Variants in OR2AE1 observed in about 807,000 individuals in gnomAD.
OR2AE1 encodes olfactory receptor family 2 subfamily AE member 1.
For synonymous variants in OR2AE1, 159 were observed against 153.6 expected (o/e 1.04, Z -0.26); for missense variants, 400 against 395.6 (o/e 1.01, Z -0.09).
At position 99,876,077 on chromosome 7, in the gene OR2AE1, C is replaced by T; in HGVS notation, c.957G>A (p.Trp319Ter). ...CTATTCCACTCTACACTCGGGGCAA[C>T]CACAATTGCAGTCGTTGAATGCACT... ...ITQCIQRLQL[W>*]LPRV Residue 319 changes from tryptophan to a stop codon, truncating the protein, a stop_gained, in exon 1 of 1, where the codon TGG becomes TGA. Coordinates refer to ENST00000316368, the MANE Select transcript of OR2AE1 (RefSeq NM_001005276.1). LOFTEE classifies it high-confidence loss of function. The T allele has an allele frequency of 1.3e-6, 2 of 1,595,566 alleles. No homozygotes were observed. Among genetic ancestry groups the T allele is most frequent in the Non-Finnish European group, 8.5e-7 (1 of 1,172,212 alleles).
At position 99,876,893 on chromosome 7, in the gene OR2AE1, G is replaced by T. The variant is rs1276254501; in HGVS notation, c.141C>A (p.Leu47=). Residue 47 remains leucine, a synonymous_variant, in exon 1 of 1, where the codon CTC becomes CTA. Coordinates refer to ENST00000316368, the MANE Select transcript of OR2AE1 (RefSeq NM_001005276.1). ...GAAGCTGGGGATCAATGCAGATGAG[G>T]AGAATGGTGAGGGTGTTGCCACTCA... ...IAVSGNTLTI[L]LICIDPQLHT... The T allele has an allele frequency of 6.2e-7, 1 of 1,614,096 alleles. No individual in the cohort carries two copies. The highest frequency in any genetic ancestry group is 2.2e-5 in the East Asian group (1 of 44,874).
At position 99,876,899 on chromosome 7, in the gene OR2AE1, G is replaced by A; in HGVS notation, c.135C>T (p.Thr45=). ...FLIAVSGNTL[T]ILLICIDPQL... The stretch of plus-strand genomic sequence containing the variant: ...GGGGATCAATGCAGATGAGGAGAAT[G>A]GTGAGGGTGTTGCCACTCACCGCAA... The change falls in exon 1 of 1, where the codon ACC becomes ACT. Residue 45 remains threonine, a synonymous_variant. Coordinates refer to ENST00000316368, the MANE Select transcript of OR2AE1 (RefSeq NM_001005276.1). 1 of 1,614,088 alleles carries A rather than the reference G, an allele frequency of 6.2e-7. No homozygotes were observed. The highest frequency in any genetic ancestry group is 8.5e-7 in the Non-Finnish European group (1 of 1,180,010).
In OR2AE1 at chr7:99,876,167, A is replaced by G; in HGVS notation, c.867T>C (p.Tyr289=). ...IITPTLNSLI[Y]TLRNKDVAKA... ...TAGCTACATCTTTATTCCGGAGAGT[A>G]TAAATCAGAGAATTCAATGTGGGCG... Residue 289 remains tyrosine (Y), a synonymous_variant, in exon 1 of 1, where the codon TAT becomes TAC. Transcript: ENST00000316368. The G allele has an allele frequency of 1.2e-6, 2 of 1,614,214 alleles. No homozygotes were observed. The highest frequency in any genetic ancestry group is 1.7e-6 in the Non-Finnish European group (2 of 1,180,028).
At position 99,876,550 on chromosome 7, in the gene OR2AE1, T is replaced by A; in HGVS notation, c.484A>T (p.Ile162Phe). 6.2e-7 allele frequency: 1 copy of A among 1,614,038 alleles called. No individual in the cohort carries two copies. The highest frequency in any genetic ancestry group is 8.5e-7 in the Non-Finnish European group (1 of 1,180,006). The stretch of plus-strand genomic sequence containing the variant: ...CCACAGAAAGGGAAGTGCATCAAGA[T>A]CGCCATGTGAATTAGGGAGTTCACG... Reference protein sequence around the residue: ...ASVNSLIHMAILMHFPFCGPR... With the variant: ...ASVNSLIHMAFLMHFPFCGPR... The change falls in exon 1 of 1, where the codon ATC (isoleucine) becomes TTC (phenylalanine). Residue 162 changes from isoleucine to phenylalanine, a missense_variant. Coordinates refer to ENST00000316368, the MANE Select transcript of OR2AE1 (RefSeq NM_001005276.1).
In OR2AE1 at chr7:99,876,979, C is replaced by G; in HGVS notation, c.55G>C (p.Asp19His). Residue 19 changes from aspartate (D) to histidine (H), a missense_variant, in exon 1 of 1, where the codon GAT becomes CAT. Transcript: ENST00000316368. The stretch of plus-strand genomic sequence containing the variant: ...AGGAAAAGGTGGGTAAGGGAGTCAT[C>G]GAAGAGCCCCTCAAGGATGAAGTCT... Reference protein sequence around the residue: ...LADFILEGLFDDSLTHLFLFS... With the variant: ...LADFILEGLFHDSLTHLFLFS... 6.2e-7 allele frequency: 1 copy of G among 1,613,902 alleles called. No homozygotes were observed. Among genetic ancestry groups the G allele is most frequent in the Non-Finnish European group, 8.5e-7 (1 of 1,179,922 alleles).
chr7:99,876,961 G>A lies in OR2AE1; in HGVS notation c.73C>T (p.Leu25Phe). The A allele has an allele frequency of 2.5e-6, 4 of 1,614,042 alleles. No individual in the cohort carries two copies. The highest frequency in any genetic ancestry group is 2.2e-5 in the East Asian group (1 of 44,864). The change falls in exon 1 of 1, where the codon CTT becomes TTT. Residue 25 changes from leucine to phenylalanine, a missense_variant. By Grantham distance (22) the Leu-to-Phe change is conservative. Coordinates refer to ENST00000316368, the MANE Select transcript of OR2AE1 (RefSeq NM_001005276.1). ...ACCATGGTCAAGGAGAAAAGGAAAAGGTGGGTAAGGGAGTCATCGAAGAGC... is the reference window on the plus strand; with the variant it reads ...ACCATGGTCAAGGAGAAAAGGAAAAAGTGGGTAAGGGAGTCATCGAAGAGC... ...EGLFDDSLTH[L>F]FLFSLTMVVF...
Position 99,876,775 on chromosome 7 carries a change from A to ATAGGTAGTTGGTAGCCATCTTCAGG in OR2AE1, c.234_258dup (p.Ser87ProfsTer33). ...ACAAAGGAGATAGATTTCTTGCCAG[A>ATAGGTAGTTGGTAGCCATCTTCAGG]TAGGTAGTTGGTAGCCATCTTCAGG... On this transcript the variant is annotated frameshift_variant, in exon 1 of 1. Transcript: ENST00000316368. LOFTEE classifies it low-confidence loss of function (END_TRUNC). 6.2e-7 allele frequency: 1 copy of ATAGGTAGTTGGTAGCCATCTTCAGG among 1,614,044 alleles called. No homozygotes were observed. Among genetic ancestry groups the ATAGGTAGTTGGTAGCCATCTTCAGG allele is most frequent in the South Asian group, 1.1e-5 (1 of 91,060 alleles).
At position 99,876,387 on chromosome 7, in the gene OR2AE1, G is replaced by A. The variant is rs905385422; in HGVS notation, c.647C>T (p.Ser216Phe). 10 of 1,614,202 alleles carry A rather than the reference G, an allele frequency of 6.2e-6. No homozygotes were observed. The highest frequency in any genetic ancestry group is 8.5e-6 in the Non-Finnish European group (10 of 1,180,024). The change falls in exon 1 of 1, where the codon TCC becomes TTC. Residue 216 changes from serine to phenylalanine, a missense_variant. Physicochemically the swap from Ser to Phe is radical, Grantham distance 155. Coordinates refer to ENST00000316368, the MANE Select transcript of OR2AE1 (RefSeq NM_001005276.1). ...LLLPIFLIST[S>F]YVFILQSVIQ... ...GACACTTTGAAGGATGAAGACATAG[G>A]ATGTAGAAATCAGGAAGATGGGGAG...
rs1355723121 is a variant in OR2AE1, at chr7:99,876,508, G to C, written c.526C>G (p.His176Asp). 1 of 1,614,118 alleles carries C rather than the reference G, an allele frequency of 6.2e-7. No homozygotes were observed. The highest frequency in any genetic ancestry group is 1.1e-5 in the South Asian group (1 of 91,080). Reference protein sequence around the residue: ...FPFCGPRKVYHFYCEFPAVVK... With the variant: ...FPFCGPRKVYDFYCEFPAVVK... ...ACAGCTGGGAACTCACAGTAGAAGT[G>C]GTAGACTTTCCGAGGCCCACAGAAA... Residue 176 changes from histidine (H) to aspartate (D), a missense_variant, in exon 1 of 1, where the codon CAC (histidine) becomes GAC (aspartate). By Grantham distance (81) the His-to-Asp change is moderately conservative. Transcript: ENST00000316368.
rs768972290 is a variant in OR2AE1, at chr7:99,876,276, G to GC, written c.757dup (p.Ala253GlyfsTer42). ...GGGTCTCATGTAGGAGAAGATGCAG[G>GC]CACCAAACCAAAGAGAAACCACCGT... is the stretch of plus-strand genomic sequence containing the variant. On this transcript the variant is annotated frameshift_variant, in exon 1 of 1. Transcript: ENST00000316368. LOFTEE classifies it low-confidence loss of function (END_TRUNC). 6.2e-7 allele frequency: 1 copy of GC among 1,614,170 alleles called. No homozygotes were observed. Among genetic ancestry groups the GC allele is most frequent in the Non-Finnish European group, 8.5e-7 (1 of 1,180,016 alleles).
chr7:99,876,071 G>A lies in OR2AE1; in HGVS notation c.963C>T (p.Pro321=). Residue 321 remains proline (P), a synonymous_variant, in exon 1 of 1, where the codon CCC becomes CCT. Transcript: ENST00000316368. The part of the protein sequence containing the change: ...QCIQRLQLWL[P]RV ...CTTATCCTATTCCACTCTACACTCGGGGCAACCACAATTGCAGTCGTTGAA... is the reference window on the plus strand; with the variant it reads ...CTTATCCTATTCCACTCTACACTCGAGGCAACCACAATTGCAGTCGTTGAA... 1 of 1,591,124 alleles carries A rather than the reference G, an allele frequency of 6.3e-7. No individual in the cohort carries two copies. Among genetic ancestry groups the A allele is most frequent in the Non-Finnish European group, 8.5e-7 (1 of 1,170,404 alleles).
Position 99,876,295 on chromosome 7 carries a change from C to T in OR2AE1, c.739G>A (p.Val247Ile), listed in dbSNP as rs1174596971. Residue 247 changes from valine (V) to isoleucine (I), a missense_variant, in exon 1 of 1, where the codon GTT becomes ATT. Val to Ile is a conservative substitution (Grantham distance 29). Coordinates refer to ENST00000316368, the MANE Select transcript of OR2AE1 (RefSeq NM_001005276.1). ...ATGCAGGCACCAAACCAAAGAGAAA[C>T]CACCGTGAGGTGGGAGCCACAAGTG... Reference protein sequence around the residue: ...FATCGSHLTVVSLWFGACIFS... With the variant: ...FATCGSHLTVISLWFGACIFS... The T allele has an allele frequency of 6.2e-7, 1 of 1,614,204 alleles. No individual in the cohort carries two copies. The highest frequency in any genetic ancestry group is 8.5e-7 in the Non-Finnish European group (1 of 1,180,026).
rs139003519 is a variant in OR2AE1 at position 99,876,926 on chromosome 7, A to G, written c.108T>C (p.Leu36=). The G allele has an allele frequency of 2.6e-4, 421 of 1,613,978 alleles. No homozygotes were observed. The highest frequency in any genetic ancestry group is 4.2e-4 in the Admixed American group (25 of 59,994). Residue 36 remains leucine, a synonymous_variant, in exon 1 of 1, where the codon CTT becomes CTC. Coordinates refer to ENST00000316368, the MANE Select transcript of OR2AE1 (RefSeq NM_001005276.1). ...FLFSLTMVVF[L]IAVSGNTLTI... is the part of the protein sequence containing the mutation. Reference sequence around the variant, plus strand: ...TGAGGGTGTTGCCACTCACCGCAATAAGGAAGACCACCATGGTCAAGGAGA... The same window carrying G: ...TGAGGGTGTTGCCACTCACCGCAATGAGGAAGACCACCATGGTCAAGGAGA...
In OR2AE1 at chr7:99,876,656, G is replaced by A; in HGVS notation, c.378C>T (p.Ile126=). The change falls in exon 1 of 1, where the codon ATC becomes ATT. Residue 126 remains isoleucine (I), a synonymous_variant. Coordinates refer to ENST00000316368, the MANE Select transcript of OR2AE1 (RefSeq NM_001005276.1). ...AVMSYDRYVA[I]CHPLRYAVLM... The stretch of plus-strand genomic sequence containing the variant: ...GCACAGCATAGCGCAGTGGATGACA[G>A]ATGGCAACATAGCGGTCATAGGACA... 6.2e-7 allele frequency: 1 copy of A among 1,614,150 alleles called. No homozygotes were observed. The highest frequency in any genetic ancestry group is 8.5e-7 in the Non-Finnish European group (1 of 1,180,032).
rs576165620 is a variant in OR2AE1 at position 99,876,191 on chromosome 7, C to T, written c.843G>A (p.Thr281=). The T allele has an allele frequency of 3.5e-5, 57 of 1,614,110 alleles. No individual in the cohort carries two copies. Among genetic ancestry groups the T allele is most frequent in the South Asian group, 1.6e-4 (15 of 91,080 alleles). ...KVGSVFYSII[T]PTLNSLIYTL... is the part of the protein sequence containing the mutation. ...TATAAATCAGAGAATTCAATGTGGG[C>T]GTAATGATGCTGTAGAACACAGAAC... Residue 281 remains threonine, a synonymous_variant, in exon 1 of 1, where the codon ACG becomes ACA. Coordinates refer to ENST00000316368, the MANE Select transcript of OR2AE1 (RefSeq NM_001005276.1).
At position 99,876,773 on chromosome 7, in the gene OR2AE1, AGATAGGTAGTTGGTAGCCAT is replaced by A; in HGVS notation, c.241_260del (p.Met81TrpfsTer24). On this transcript the variant is annotated frameshift_variant, in exon 1 of 1. Coordinates refer to ENST00000316368, the MANE Select transcript of OR2AE1 (RefSeq NM_001005276.1). LOFTEE classifies it low-confidence loss of function (END_TRUNC). ...CCACAAAGGAGATAGATTTCTTGCC[AGATAGGTAGTTGGTAGCCAT>A]CTTCAGGATGATTGTGGAGACATGC... is the stretch of plus-strand genomic sequence containing the variant. The A allele has an allele frequency of 6.2e-7, 1 of 1,614,114 alleles. No individual in the cohort carries two copies. Among genetic ancestry groups the A allele is most frequent in the Non-Finnish European group, 8.5e-7 (1 of 1,180,012 alleles).
In OR2AE1 at chr7:99,876,685, C is replaced by G; in HGVS notation, c.349G>C (p.Val117Leu). The change falls in exon 1 of 1, where the codon GTC becomes CTC. Residue 117 changes from valine (V) to leucine (L), a missense_variant. Val to Leu is a conservative substitution (Grantham distance 32). Transcript: ENST00000316368. ...LGGAECFLLA[V>L]MSYDRYVAIC... Reference sequence around the variant, plus strand: ...GCAACATAGCGGTCATAGGACATGACAGCTAAGAGAAAACATTCAGCACCA... The same window carrying G: ...GCAACATAGCGGTCATAGGACATGAGAGCTAAGAGAAAACATTCAGCACCA... The G allele has an allele frequency of 1.9e-6, 3 of 1,614,066 alleles. No individual in the cohort carries two copies. The highest frequency in any genetic ancestry group is 2.5e-6 in the Non-Finnish European group (3 of 1,180,024).
chr7:99,876,450 T>C lies in OR2AE1; in HGVS notation c.584A>G (p.Tyr195Cys), dbSNP rs1445694409. The change falls in exon 1 of 1, where the codon TAT (tyrosine) becomes TGT (cysteine). Residue 195 changes from tyrosine to cysteine, a missense_variant. Physicochemically the swap from Tyr to Cys is radical, Grantham distance 194. Coordinates refer to ENST00000316368, the MANE Select transcript of OR2AE1 (RefSeq NM_001005276.1). ...GCTGCTGATGTACACTGTGGTCTCA[T>C]ACACAGTGATGTCGCCACATACCAA... ...VKLVCGDITVYETTVYISSIL... is the reference protein window; with the variant it reads ...VKLVCGDITVCETTVYISSIL... The C allele has an allele frequency of 3.1e-6, 5 of 1,614,024 alleles. No homozygotes were observed. In the East Asian group the frequency reaches 8.9e-5, roughly 29 times the overall value.
rs183152137 is a variant in OR2AE1, at chr7:99,876,629, G to A, written c.405C>T (p.Leu135=). ...TCATCAGTCCCACCTTCTTGTTCAT[G>A]AGCACAGCATAGCGCAGTGGATGAC... ...AICHPLRYAV[L]MNKKVGLMMA... The change falls in exon 1 of 1, where the codon CTC becomes CTT. Residue 135 remains leucine, a synonymous_variant. Transcript: ENST00000316368. 1.2e-6 allele frequency: 2 copies of A among 1,614,036 alleles called. No individual in the cohort carries two copies. The highest frequency in any genetic ancestry group is 8.5e-7 in the Non-Finnish European group (1 of 1,180,016).
Sources: gnomAD v4.1 joint callset for allele counts on GRCh38, gnomAD v4.1.1 for gene constraint, MANE v1.5 for transcripts, NCBI Gene and HGNC (gene_info 2026-07-23, HGNC 2026-07-21) for gene names.